DNAH5: variants seen among roughly 807,000 people sequenced by gnomAD.
The protein encoded by DNAH5 is axonemal beta dynein heavy chain 5.
Under a neutral mutation model 518.2 loss-of-function variants are expected in DNAH5, and 372 were observed. That is an observed-to-expected ratio of 0.72 (90% CI 0.66 to 0.78). The LOEUF is 0.78. DNAH5 is among the 30% of genes least tolerant of loss of function. The pLI is 0.00. For missense variants in DNAH5, 5,523 were observed against 5,687.0 expected (o/e 0.97, Z 0.93); for synonymous variants, 2,039 against 2,025.9 (o/e 1.01, Z -0.17).
At chr5:13,915,357 C>T (rs972099678) in intron 9 of DNAH5, among the ~76,000 whole-genome samples, 2 of 152,078 alleles carry the variant, frequency 1.3e-5, no homozygotes, top group African/African-American at 4.8e-5. Context: ...CCTAATTCAA[C>T]ATTTCCATAA....
intron 32 of DNAH5, among the ~76,000 whole-genome samples, chr5:13,842,452 A>AAAGT: frequency 8.5e-6 from 1 of 117,324 alleles, no homozygotes; most frequent in African/African-American, 3.6e-5. Flanking sequence ...AGAAAGAAAG[A>AAAGT]AAGAAAGAAA....
At chr5:13,921,590 C>T (rs1385044163) in intron 5 of DNAH5, among the ~76,000 whole-genome samples, 1 of 151,166 alleles carries the variant, frequency 6.6e-6, no homozygotes, top group Non-Finnish European at 1.5e-5. Context: ...ACAAATCATA[C>T]AGAAACTAAA....
chr5:13,895,641 T>C (rs927437213), intron 15 of DNAH5, among the ~76,000 whole-genome samples: 1 of 152,080 alleles, frequency 6.6e-6, no homozygotes, highest in African/African-American at 2.4e-5. Context: ...GAACCAGTAT[T>C]GATCTCAACT....
At chr5:13,814,516 C>T (rs2151799890) in intron 43 of DNAH5, 89 bp downstream of exon 43, 3 of 1,307,986 alleles carry the variant, frequency 2.3e-6, no homozygotes, top group Non-Finnish European at 3.3e-6. Flanking sequence ...GTTACACTGC[C>T]ATCTGCAGAA....
At chr5:13,864,278 G>A (rs866968181) in intron 28 of DNAH5, 119 bp downstream of exon 28, 4 of 1,368,576 alleles carry the variant, frequency 2.9e-6, no homozygotes, top group Non-Finnish European at 4.1e-6. Flanking sequence ...GTGGCTGAAT[G>A]CCAGGAGAAG....
At chr5:13,761,489 A>G (rs1751766177) in intron 60 of DNAH5, among the ~76,000 whole-genome samples, 1 of 150,442 alleles carries the variant, frequency 6.6e-6, no homozygotes, top group South Asian at 2.2e-4. Context: ...GCTACTCGGG[A>G]GGCTGAGGCA....
intron 5 of DNAH5, among the ~76,000 whole-genome samples, chr5:13,921,750 A>ACCCCCC (rs70964521): frequency 7.4e-6 from 1 of 134,276 alleles, no homozygotes; most frequent in Non-Finnish European, 1.6e-5. Flanking sequence ...GCCCACACAC[A>ACCCCCC]CCCCCCCACA....
rs559453240 is a variant in DNAH5 at position 13,866,409 on chromosome 5, G to GA, written c.4054-128dup. 6 of 788,054 alleles carry GA rather than the reference G, an allele frequency of 7.6e-6. No individual in the cohort carries two copies. The East Asian group carries it at 8.5e-5, about 11-fold the overall frequency. The allele number at this position is 788,054 out of a possible 1,614,324, so 48.8% of individuals were successfully genotyped here. The stretch of plus-strand genomic sequence containing the variant: ...TAGGAAACTTCATTTTTATTTGTTA[G>GA]AAAAAAAGGGCCTCACAAAGTGATT... On this transcript the variant is annotated intron_variant, in intron 25 of 78. Transcript: ENST00000265104.
At chr5:13,967,259 T>A (rs1452435003) in intron 1 of DNAH5, among the ~76,000 whole-genome samples, 2 of 152,268 alleles carry the variant, frequency 1.3e-5, no homozygotes, top group Non-Finnish European at 1.5e-5. Context: ...CCTAAGCCAA[T>A]GTCAAGAAGG....
At chr5:13,935,882 G>T (rs914164281) in intron 1 of DNAH5, among the ~76,000 whole-genome samples, 1 of 152,182 alleles carries the variant, frequency 6.6e-6, no homozygotes, top group African/African-American at 2.4e-5. Flanking sequence ...GGTAAACTAT[G>T]TCAAGACTTT....
At chr5:13,771,038 G>GGGTAAC in intron 55 of DNAH5, 58 bp from the exon 56 acceptor site, 2 of 1,389,460 alleles carry the variant, frequency 1.4e-6, no homozygotes, top group Non-Finnish European at 2.0e-6. Flanking sequence ...CCTTTTAAAA[G>GGGTAAC]TTAACTGTTT....
rs375382496 is a variant in DNAH5 at position 13,917,260 on chromosome 5, A to G, written c.976-4T>C. On this transcript the variant is annotated splice_polypyrimidine_tract_variant and splice_region_variant and intron_variant, in intron 7 of 78. Transcript: ENST00000265104. ...GAATATCCATCTCCCGCCAAGTCTA[A>G]GCACAATAGGGAAAAGCAATTTTAA... 6.2e-7 allele frequency: 1 copy of G among 1,610,812 alleles called. No individual in the cohort carries two copies. The highest frequency in any genetic ancestry group is 8.5e-7 in the Non-Finnish European group (1 of 1,177,220).
Position 13,811,662 on chromosome 5 carries a change from G to C in DNAH5, c.7392C>G (p.Gly2464=), listed in dbSNP as rs2127026199. The change falls in exon 44 of 79, where the codon GGC becomes GGG. Residue 2464 remains glycine, a synonymous_variant. Transcript: ENST00000265104. ...AGCAATTTACCTTCAGAGGAATCAG[G>C]CCTTGAAGCATGTTAATGCTCTGTG... ...VITQSINMLQ[G]LIPLKEQGGE... is the part of the protein sequence containing the mutation. The C allele has an allele frequency of 2.5e-6, 4 of 1,614,088 alleles. No homozygotes were observed. The highest frequency in any genetic ancestry group is 2.7e-5 in the African/African-American group (2 of 75,046).
Position 13,753,391 on chromosome 5 carries a change from T to G in DNAH5, c.10714A>C (p.Thr3572Pro). The change falls in exon 63 of 79, where the codon ACT becomes CCT. Residue 3572 changes from threonine to proline, a missense_variant. Transcript: ENST00000265104. ...NLSEMLIDAP[T>P]ISEWNLQGLP... is the part of the protein sequence containing the mutation. The stretch of plus-strand genomic sequence containing the variant: ...CCTTGGAGGTTCCATTCACTAATAG[T>G]AGGAGCATCAATCAACATCTCACTG... 1.2e-6 allele frequency: 2 copies of G among 1,614,064 alleles called. No individual in the cohort carries two copies. The highest frequency in any genetic ancestry group is 1.7e-6 in the Non-Finnish European group (2 of 1,179,962).
At chr5:13,971,577 G>C (rs1356588789) in intron 1 of DNAH5, among the ~76,000 whole-genome samples, 1 of 152,144 alleles carries the variant, frequency 6.6e-6, no homozygotes, top group African/African-American at 2.4e-5. Context: ...GACCTACTAG[G>C]CTATGGTCTG....
intron 3 of DNAH5, among the ~76,000 whole-genome samples, chr5:13,927,837 G>A (rs1036436950): frequency 6.6e-6 from 1 of 152,114 alleles, no homozygotes; most frequent in African/African-American, 2.4e-5. Flanking sequence ...GAAGGAATAT[G>A]AGACAACTCC....
intron 73 of DNAH5, 147 bp downstream of exon 73, chr5:13,717,168 T>C: frequency 1.3e-6 from 1 of 743,152 alleles, no homozygotes; most frequent in South Asian, 1.5e-5. Flanking sequence ...AAGAGGCAAG[T>C]GTGACCCAAA....
intron 47 of DNAH5, 79 bp from the exon 48 acceptor site, chr5:13,794,137 A>C: frequency 5.1e-6 from 8 of 1,583,046 alleles, no homozygotes; most frequent in Non-Finnish European, 6.9e-6. Flanking sequence ...AACAACAAAA[A>C]CTGGTAACCT....
chr5:13,974,625 T>C (rs923383555), intron 1 of DNAH5, among the ~76,000 whole-genome samples: 2 of 152,186 alleles, frequency 1.3e-5, no homozygotes, highest in African/African-American at 4.8e-5. Flanking sequence ...CTTCTCTATG[T>C]CCTTCATGCC....
Sources: gnomAD v4.1 joint callset for allele counts (sites outside exome capture counted in the v4.1 genomes callset) on GRCh38, gnomAD v4.1.1 for gene constraint, MANE v1.5 for transcripts, NCBI Gene and HGNC (gene_info 2026-07-23, HGNC 2026-07-21) for gene names.